The following RBFOX1 variants were observed in gnomAD, a reference collection of about 807,000 sequenced individuals.
The protein encoded by RBFOX1 is RNA binding fox-1 homolog 1.
Under a neutral mutation model 57.7 loss-of-function variants are expected in RBFOX1, and 8 were observed. The observed-to-expected ratio is 0.14, with a 90% confidence interval of 0.08 to 0.25. The LOEUF (loss-of-function observed/expected upper bound fraction) is 0.25, where lower values mean the gene tolerates loss of function less well. Among genes scored for constraint, RBFOX1 ranks in the 10% least tolerant of loss-of-function variants. The pLI is 1.00. For synonymous variants in RBFOX1, 326 were observed against 222.4 expected, an observed-to-expected ratio of 1.47 and a Z score of -4.15; for missense variants, 611 against 548.5, an observed-to-expected ratio of 1.11 and a Z score of -1.14.
chr16:5,265,882 G>A (rs1466755683), intron 1 of RBFOX1, among the ~76,000 whole-genome samples: 11 of 152,082 alleles, frequency 7.2e-5, no homozygotes, highest in Admixed American at 4.6e-4. Context: ...TGTAAATGGC[G>A]GTGTATACCT....
At chr16:6,831,107 C>G (rs1477978880) in intron 3 of RBFOX1, among the ~76,000 whole-genome samples, 1 of 152,204 alleles carries the variant, frequency 6.6e-6, no homozygotes, top group Non-Finnish European at 1.5e-5. Context: ...ATTCATACTA[C>G]TCCATTATCA....
At chr16:7,312,445 T>C (rs148682983) in intron 4 of RBFOX1, among the ~76,000 whole-genome samples, 192 of 152,328 alleles carry the variant, frequency 1.3e-3, no homozygotes, top group Middle Eastern at 6.8e-3. Context: ...AGGATTTGTT[T>C]ATTGAAGCTG....
At chr16:7,231,688 GT>G (rs2093500968) in intron 4 of RBFOX1, among the ~76,000 whole-genome samples, 1 of 152,174 alleles carries the variant, frequency 6.6e-6, no homozygotes, top group Non-Finnish European at 1.5e-5. Flanking sequence ...ACAAAATGTG[GT>G]CTATCCATAC....
chr16:5,861,295 A>G (rs2057207612), intron 3 of RBFOX1, among the ~76,000 whole-genome samples: 1 of 152,204 alleles, frequency 6.6e-6, no homozygotes, highest in African/African-American at 2.4e-5. Context: ...CGTGCCACAC[A>G]GGTGACTATG....
intron 3 of RBFOX1, among the ~76,000 whole-genome samples, chr16:6,727,960 A>ATCTCTTT (rs2154170956): frequency 6.6e-6 from 1 of 152,282 alleles, no homozygotes; most frequent in Non-Finnish European, 1.5e-5. Flanking sequence ...TGAAGGGAAG[A>ATCTCTTT]AAATTATTTT....
At chr16:7,608,313 A>T (rs1196100300) in intron 10 of RBFOX1, among the ~76,000 whole-genome samples, 1 of 152,218 alleles carries the variant, frequency 6.6e-6, no homozygotes, top group Non-Finnish European at 1.5e-5. Flanking sequence ...GAACACAGAA[A>T]ACTTAGCTAC....
chr16:7,310,691 G>A (rs2096286920), intron 4 of RBFOX1, among the ~76,000 whole-genome samples: 1 of 152,088 alleles, frequency 6.6e-6, no homozygotes, highest in Non-Finnish European at 1.5e-5. Flanking sequence ...ACATAGACTT[G>A]CCCAAACCAA....
intron 11 of RBFOX1, among the ~76,000 whole-genome samples, chr16:7,636,588 C>T (rs1232576622): frequency 6.6e-6 from 1 of 152,138 alleles, no homozygotes; most frequent in African/African-American, 2.4e-5. Flanking sequence ...TCATTTTAGA[C>T]GTCATTTTGG....
chr16:5,335,863 T>C (rs2064882845), intron 1 of RBFOX1, among the ~76,000 whole-genome samples: 1 of 152,094 alleles, frequency 6.6e-6, no homozygotes, highest in Non-Finnish European at 1.5e-5. Context: ...TGCCGACTCT[T>C]TGGGGGTGGT....
chr16:6,040,518 G>A (rs991676799), intron 1 of RBFOX1, among the ~76,000 whole-genome samples: 4 of 152,112 alleles, frequency 2.6e-5, no homozygotes, highest in East Asian at 1.9e-4. Flanking sequence ...GTTTATCTGC[G>A]TGGAAGCAAG....
intron 4 of RBFOX1, among the ~76,000 whole-genome samples, chr16:7,126,044 T>C (rs1344356969): frequency 6.6e-6 from 1 of 152,068 alleles, no homozygotes; most frequent in East Asian, 1.9e-4. Flanking sequence ...GATCGCACCA[T>C]TGCACTGCAG....
chr16:6,348,157 C>T (rs1054201710), intron 2 of RBFOX1, among the ~76,000 whole-genome samples: 6 of 152,064 alleles, frequency 3.9e-5, no homozygotes, highest in Admixed American at 2.6e-4. Context: ...TGGTTTTGAG[C>T]ACTGTAGGAG....
chr16:6,868,769 C>G (rs1390605952), intron 3 of RBFOX1, among the ~76,000 whole-genome samples: 1 of 152,130 alleles, frequency 6.6e-6, no homozygotes, highest in African/African-American at 2.4e-5. Context: ...TTGCACCCGG[C>G]CAGTATTTCT....
intron 4 of RBFOX1, among the ~76,000 whole-genome samples, chr16:5,897,834 C>CT (rs59833852): frequency 0.04 from 5,634 of 140,538 alleles, 144 homozygotes; most frequent in African/African-American, 0.064. Context: ...TTTAACTTCT[C>CT]TTTTTTTTTT....
intron 4 of RBFOX1, among the ~76,000 whole-genome samples, chr16:7,454,329 AGTAGATGGG>A (rs1256356378): frequency 6.6e-6 from 1 of 152,208 alleles, no homozygotes. Flanking sequence ...ATGCTGGTGA[AGTAGATGGG>A]GGTGGGCCCT....
chr16:6,320,944 C>A (rs914318914), intron 2 of RBFOX1, among the ~76,000 whole-genome samples: 3 of 152,286 alleles, frequency 2.0e-5, no homozygotes, highest in South Asian at 2.1e-4. Context: ...CAGGCACCCA[C>A]CACCATGCCC....
chr16:7,040,116 G>A (rs1350918941), intron 3 of RBFOX1, among the ~76,000 whole-genome samples: 1 of 151,904 alleles, frequency 6.6e-6, no homozygotes. Context: ...TGCCTCCCAG[G>A]TTCAAGCAAT....
At chr16:7,493,865 A>G (rs541680411) in intron 4 of RBFOX1, among the ~76,000 whole-genome samples, 1 of 152,340 alleles carries the variant, frequency 6.6e-6, no homozygotes, top group South Asian at 2.1e-4. Flanking sequence ...TAAAATCATC[A>G]TTATCATTGT....
chr16:6,931,334 TATCTCTACACACACACAC>T, intron 3 of RBFOX1, among the ~76,000 whole-genome samples: 1 of 134,702 alleles, frequency 7.4e-6, no homozygotes, highest in Non-Finnish European at 1.5e-5. Flanking sequence ...TCTATCTATC[TATCTCTACACACACACAC>T]ACACACACAC....
Sources: gnomAD v4.1 joint callset for allele counts (sites outside exome capture counted in the v4.1 genomes callset) on GRCh38, gnomAD v4.1.1 for gene constraint, MANE v1.5 for transcripts, NCBI Gene and HGNC (gene_info 2026-07-23, HGNC 2026-07-21) for gene names.